Variants in NOS3 observed in about 807,000 individuals in gnomAD.
The protein encoded by NOS3 is NOS type III.
A neutral mutation model predicts 144.9 loss-of-function variants in NOS3; 98 were observed. The observed-to-expected ratio is 0.68, with a 90% CI of 0.57 to 0.80. The LOEUF (loss-of-function observed/expected upper bound fraction) is 0.80, where lower values mean the gene tolerates loss of function less well. Ranked by LOEUF, NOS3 falls within the 30% of genes least tolerant of loss-of-function variation. NOS3 has a pLI of 0.00. For missense variants in NOS3, 1,465 were observed against 1,656.4 expected, an observed-to-expected ratio of 0.88 and a Z score of 2.01; for synonymous variants, 714 against 702.4, an observed-to-expected ratio of 1.02 and a Z score of -0.26.
At chr7:150,996,351 CAT>C in intron 3 of NOS3, 51 bp from the exon 4 acceptor site, 1 of 1,152,972 alleles carries the variant, frequency 8.7e-7, no homozygotes, top group Non-Finnish European at 1.2e-6. Context: ...CCCCAACTCC[CAT>C]CCCACCCCTG....
At position 151,001,790 on chromosome 7, in the gene NOS3, C is replaced by T. The variant is rs778661677; in HGVS notation, c.1503-31C>T. ...TGGGGAGGCCCTGCCTCTGTGCACC[C>T]AGGACACCCTCACACCTTCCTCTCC... On this transcript the variant is annotated intron_variant, in intron 12 of 26. Coordinates refer to ENST00000297494, the MANE Select transcript of NOS3 (RefSeq NM_000603.5). 8.7e-6 allele frequency: 14 copies of T among 1,612,982 alleles called. No individual in the cohort carries two copies. The South Asian group carries it at 1.3e-4, about 15-fold the overall frequency.
chr7:151,000,611 C>T lies in NOS3; in HGVS notation c.1233+12C>T. On this transcript the variant is annotated intron_variant, in intron 10 of 26. Transcript: ENST00000297494. ...TGCACAGTTACCAGGTGCAGAGGCC[C>T]AGACTGGCCAGGAAGGCAAAGGGTT... The T allele has an allele frequency of 6.3e-7, 1 of 1,579,928 alleles. No homozygotes were observed. The highest frequency in any genetic ancestry group is 1.1e-5 in the South Asian group (1 of 90,388).
Position 151,014,018 on chromosome 7 carries a change from G to A in NOS3, c.3461G>A (p.Arg1154His), listed in dbSNP as rs765760159. The A allele has an allele frequency of 1.9e-5, 30 of 1,612,668 alleles. No homozygotes were observed. Among genetic ancestry groups the A allele is most frequent in the Non-Finnish European group, 2.5e-5 (29 of 1,179,194 alleles). ...GCTCTTTTCCGACAGGATCAGCAAC[G>A]CTACCACGAAGACATTTTCGGGCTC... ...DVIGVLRDQQRYHEDIFGLTL... is the reference protein window; with the variant it reads ...DVIGVLRDQQHYHEDIFGLTL... The change falls in exon 27 of 27, where the codon CGC becomes CAC. Residue 1154 changes from arginine (R) to histidine (H), a missense_variant. Physicochemically the swap from Arg to His is conservative, Grantham distance 29 (BLOSUM62 0). Transcript: ENST00000297494.
In NOS3 at chr7:151,010,887, T is replaced by A; in HGVS notation, c.2897-12T>A. ...CTCTGGCCCCTCACCGGCCTCTCCT[T>A]CCCACCCCCAGATGGGCTGGGCCCC... is the stretch of plus-strand genomic sequence containing the variant. On this transcript the variant is annotated splice_polypyrimidine_tract_variant and intron_variant, in intron 22 of 26. Transcript: ENST00000297494. 1 of 1,612,408 alleles carries A rather than the reference T, an allele frequency of 6.2e-7. No homozygotes were observed. Among genetic ancestry groups the A allele is most frequent in the Non-Finnish European group, 8.5e-7 (1 of 1,179,014 alleles).
chr7:150,995,110 C>T (rs1388831255), intron 2 of NOS3, 93 bp from the exon 3 acceptor site: 9 of 659,614 alleles, frequency 1.4e-5, no homozygotes, highest in South Asian at 2.0e-5. Flanking sequence ...GCTGTGAGAT[C>T]GCCAGTGCTG....
In NOS3 at chr7:151,008,851, C is replaced by T. The variant is rs537074829; in HGVS notation, c.2113-79C>T. 6.8e-6 allele frequency: 10 copies of T among 1,463,998 alleles called. No homozygotes were observed. The East Asian group carries it at 2.2e-4, about 32-fold the overall frequency. 90.7% of individuals were successfully genotyped at this position (1,463,998 alleles called of 1,614,324 possible). On this transcript the variant is annotated intron_variant, in intron 17 of 26. Coordinates refer to ENST00000297494, the MANE Select transcript of NOS3 (RefSeq NM_000603.5). ...CTGCCAACCCCCCAGGAGCAAGACG[C>T]AGTGAAGCCGCCCAGGCGCCTCACT...
In NOS3 at chr7:150,992,022, G is replaced by A. The variant is rs575602693; in HGVS notation, c.-52+722G>A. ...AAAAAAAAAAAAAAATTAGCCAGGCGTGGTGGTGGGTGCCTGTCGTCCTCG... is the reference window on the plus strand; with the variant it reads ...AAAAAAAAAAAAAAATTAGCCAGGCATGGTGGTGGGTGCCTGTCGTCCTCG... On this transcript the variant is annotated intron_variant, in intron 1 of 26. Coordinates refer to ENST00000297494, the MANE Select transcript of NOS3 (RefSeq NM_000603.5). 2.4e-4 allele frequency among the ~76,000 whole-genome samples: 37 copies of A among 151,772 alleles called. No homozygotes were observed. In the East Asian group the frequency reaches 4.3e-3, roughly 18 times the overall value.
At position 151,003,773 on chromosome 7, in the gene NOS3, G is replaced by A. The variant is rs376861835; in HGVS notation, c.1752+1469G>A. Reference sequence around the variant, plus strand: ...CTCCTGCTGAGGCTGTTTTTGAGGCGCACTCGTGTTGCTGCGTGACTCAGT... The same window carrying A: ...CTCCTGCTGAGGCTGTTTTTGAGGCACACTCGTGTTGCTGCGTGACTCAGT... On this transcript the variant is annotated intron_variant, in intron 14 of 26. Transcript: ENST00000297494. This position sits in a 1 kb window ranked among gnomAD's most constrained non-coding sequence, Gnocchi z 4.1. 2.3e-5 allele frequency: 11 copies of A among 469,192 alleles called. No individual in the cohort carries two copies. Among genetic ancestry groups the A allele is most frequent in the Non-Finnish European group, 4.0e-5 (9 of 225,914 alleles). The allele number at this position is 469,192 out of a possible 1,614,324, so 29.1% of individuals were successfully genotyped here. A position where few individuals can be genotyped will look rare whatever the true frequency, so the allele number is the denominator to read the frequency against.
chr7:151,010,363 C>G, intron 21 of NOS3, 76 bp downstream of exon 21: 2 of 1,417,506 alleles, frequency 1.4e-6, no homozygotes, highest in South Asian at 1.3e-5. Flanking sequence ...GCAGGAAACC[C>G]CCATGCAAAG....
Position 151,007,145 on chromosome 7 carries a change from T to C in NOS3, c.1981T>C (p.Cys661Arg). ...CGGCTCCCGGGCATACCCCCACTTC[T>C]GCGCCTTTGCTCGTGCCGTGGACAC... ...GLGSRAYPHF[C>R]AFARAVDTRL... Residue 661 changes from cysteine (C) to arginine (R), a missense_variant, in exon 17 of 27, where the codon TGC becomes CGC. By Grantham distance (180) the Cys-to-Arg change is radical (BLOSUM62 -3). Coordinates refer to ENST00000297494, the MANE Select transcript of NOS3 (RefSeq NM_000603.5). 6.2e-7 allele frequency: 1 copy of C among 1,613,986 alleles called. No homozygotes were observed. The highest frequency in any genetic ancestry group is 8.5e-7 in the Non-Finnish European group (1 of 1,179,986).
chr7:150,998,786 G>A lies in NOS3; in HGVS notation c.816+106G>A. On this transcript the variant is annotated intron_variant, in intron 7 of 26. Transcript: ENST00000297494. This position sits in a 1 kb window ranked among gnomAD's most constrained non-coding sequence, Gnocchi z 5.0. ...GGCAGGAAGAGGGGAGCCTCGGTGA[G>A]ATAAAGGATGAAAAACACCAAAGGA... The A allele has an allele frequency of 6.8e-7, 1 of 1,480,920 alleles. No homozygotes were observed. Among genetic ancestry groups the A allele is most frequent in the South Asian group, 1.3e-5 (1 of 79,152 alleles). The allele number at this position is 1,480,920 out of a possible 1,614,324, so 91.7% of individuals were successfully genotyped here. A position where few individuals can be genotyped will look rare whatever the true frequency, so the allele number is the denominator to read the frequency against.
chr7:151,012,212 T>TG, intron 23 of NOS3, 139 bp from the exon 24 acceptor site: 6 of 683,922 alleles, frequency 8.8e-6, no homozygotes, highest in Non-Finnish European at 1.4e-5. Context: ...AGTAGAGTTG[T>TG]TTTTTGTTTT....
chr7:151,008,729 G>A, intron 17 of NOS3: 1 of 578,560 alleles, frequency 1.7e-6, no homozygotes, highest in Non-Finnish European at 3.0e-6. Flanking sequence ...AGGACGTGCA[G>A]AGAAAGAGCC....
At position 151,013,885 on chromosome 7, in the gene NOS3, G is replaced by A. The variant is rs199844707; in HGVS notation, c.3417G>A (p.Leu1139=). ...RILATEGDME[L]DEAGDVIGVL... ...TGGCGACGGAGGGCGACATGGAGCT[G>A]GACGAGGCCGGCGACGTCATCGGCG... Residue 1139 remains leucine (L), a synonymous_variant, in exon 26 of 27, where the codon CTG becomes CTA. Coordinates refer to ENST00000297494, the MANE Select transcript of NOS3 (RefSeq NM_000603.5). The A allele has an allele frequency of 1.2e-6, 2 of 1,600,918 alleles. No homozygotes were observed. The highest frequency in any genetic ancestry group is 2.3e-5 in the East Asian group (1 of 44,214).
chr7:151,013,532 G>T, intron 25 of NOS3, 153 bp downstream of exon 25: 1 of 1,140,334 alleles, frequency 8.8e-7, no homozygotes, highest in South Asian at 1.6e-5. Context: ...TTGTGCCCCG[G>T]CCCCTCTAGG....
intron 20 of NOS3, 144 bp from the exon 21 acceptor site, chr7:151,009,971 G>A (rs1016318917): frequency 3.5e-5 from 21 of 606,142 alleles, no homozygotes; most frequent in South Asian, 1.0e-4. Flanking sequence ...AGGGGCCCCC[G>A]AACAATACAC....
At position 150,996,929 on chromosome 7, in the gene NOS3, CG is replaced by C. The variant is rs1420857910; in HGVS notation, c.582+6del. 1 of 1,558,476 alleles carries C rather than the reference CG, an allele frequency of 6.4e-7. No individual in the cohort carries two copies. Among genetic ancestry groups the C allele is most frequent in the African/African-American group, 1.4e-5 (1 of 73,568 alleles). ...GATCCAGTGGGGGAAGCTGCAGGTG[CG>C]GCTGGCCAGCGACTGAGAGACCCGG... On this transcript the variant is annotated splice_donor_5th_base_variant and intron_variant, in intron 5 of 26. Transcript: ENST00000297494.
chr7:150,998,745 A>C lies in NOS3; in HGVS notation c.816+65A>C. 1 of 1,548,756 alleles carries C rather than the reference A, an allele frequency of 6.5e-7. No homozygotes were observed. Among genetic ancestry groups the C allele is most frequent in the African/African-American group, 1.4e-5 (1 of 74,000 alleles). ...GGAGAATGAGGAAACCAGTGGGAGA[A>C]GGCTCGGGGGATCCAGGCAGGAAGA... On this transcript the variant is annotated intron_variant, in intron 7 of 26. Coordinates refer to ENST00000297494, the MANE Select transcript of NOS3 (RefSeq NM_000603.5). The surrounding 1 kb of genome is among the most constrained non-coding windows in gnomAD (Gnocchi z 5.0).
At chr7:150,997,008 G>C in intron 5 of NOS3, 83 bp downstream of exon 5, 1 of 1,440,964 alleles carries the variant, frequency 6.9e-7, no homozygotes, top group Admixed American at 2.2e-5. Context: ...GCTTCCCGGG[G>C]GCTGGGAGGT....
Sources: allele counts gnomAD v4.1 joint callset (sites outside exome capture counted in the v4.1 genomes callset), GRCh38; gene constraint gnomAD v4.1.1; non-coding constraint Gnocchi (gnomAD v3.1); transcripts MANE v1.5; gene names NCBI Gene and HGNC (gene_info 2026-07-23, HGNC 2026-07-21).